The following ACTR3 variants were observed in gnomAD, a reference collection of about 807,000 sequenced individuals.
The protein encoded by ACTR3 is actin-related protein 3.
A neutral mutation model predicts 56.8 loss-of-function variants in ACTR3; 12 were observed. That is an observed-to-expected ratio of 0.21 (90% CI 0.14 to 0.34). The LOEUF (loss-of-function observed/expected upper bound fraction) is 0.34, where lower values mean the gene tolerates loss of function less well. Ranked by LOEUF, ACTR3 falls within the 10% of genes least tolerant of loss-of-function variation. The pLI is 1.00. For synonymous variants in ACTR3, 162 were observed against 167.4 expected (o/e 0.97, Z 0.25); for missense variants, 282 against 512.5 (o/e 0.55, Z 4.34).
intron 1 of ACTR3, among the ~76,000 whole-genome samples, chr2:113,891,521 T>G (rs748003407): frequency 5.9e-5 from 9 of 151,976 alleles, no homozygotes; most frequent in Non-Finnish European, 1.0e-4. Flanking sequence ...GGAAAGTGGT[T>G]TTTTTTTCTG....
At chr2:113,944,887 T>C (rs980498487) in intron 8 of ACTR3, among the ~76,000 whole-genome samples, 2 of 152,192 alleles carry the variant, frequency 1.3e-5, no homozygotes, top group Admixed American at 1.3e-4. Context: ...GGTAGCAGGT[T>C]AGATACCCAA....
At chr2:113,924,840 C>T (rs80047318) in intron 3 of ACTR3, among the ~76,000 whole-genome samples, 4,837 of 152,100 alleles carry the variant, frequency 0.032, 263 homozygotes, top group African/African-American at 0.11. Flanking sequence ...ACCTCCTCAG[C>T]GAAACCTTTT....
chr2:113,938,889 T>C (rs1048396113), intron 6 of ACTR3, among the ~76,000 whole-genome samples: 1 of 152,334 alleles, frequency 6.6e-6, no homozygotes, highest in Admixed American at 6.5e-5. Context: ...TTGAGTTCTC[T>C]TTCCTATTGT....
At chr2:113,943,827 CA>C (rs1490265375) in intron 8 of ACTR3, among the ~76,000 whole-genome samples, 2 of 152,256 alleles carry the variant, frequency 1.3e-5, no homozygotes, top group South Asian at 4.1e-4. Context: ...GGTTCAAAAA[CA>C]AACACTTGGG....
At chr2:113,932,645 C>T (rs555146199) in intron 5 of ACTR3, among the ~76,000 whole-genome samples, 6 of 152,068 alleles carry the variant, frequency 3.9e-5, no homozygotes, top group African/African-American at 9.6e-5. Context: ...AGTTTGGGAC[C>T]GTAACTGTTT....
intron 2 of ACTR3, among the ~76,000 whole-genome samples, chr2:113,914,112 A>AT (rs34193845): frequency 1 from 151,983 of 152,320 alleles, 75,823 homozygotes; most frequent in Middle Eastern, 1. Flanking sequence ...ATTGTTATTC[A>AT]TTATGAAAAT....
At chr2:113,897,311 A>G (rs1358466862) in intron 1 of ACTR3, among the ~76,000 whole-genome samples, 1 of 152,164 alleles carries the variant, frequency 6.6e-6, no homozygotes, top group Admixed American at 6.5e-5. Context: ...TCAGGAAACA[A>G]CGTAACCTAC....
chr2:113,909,876 A>G (rs922541829), intron 1 of ACTR3, among the ~76,000 whole-genome samples: 7 of 152,156 alleles, frequency 4.6e-5, no homozygotes, highest in African/African-American at 2.4e-5. Flanking sequence ...ACAATGAACA[A>G]TTTTACAGAA....
chr2:113,957,334 T>G, intron 11 of ACTR3, 26 bp from the exon 12 acceptor site: 1 of 1,565,242 alleles, frequency 6.4e-7, no homozygotes, highest in South Asian at 1.1e-5. Flanking sequence ...TTGACCCTTA[T>G]AAAAATACAT....
intron 1 of ACTR3, among the ~76,000 whole-genome samples, chr2:113,903,550 T>C (rs1369174818): frequency 6.6e-6 from 1 of 151,642 alleles, no homozygotes; most frequent in African/African-American, 2.4e-5. Context: ...TTTTTTTTTT[T>C]TTTTGAGACG....
intron 6 of ACTR3, among the ~76,000 whole-genome samples, chr2:113,935,725 T>C (rs1351833787): frequency 6.6e-6 from 1 of 152,196 alleles, no homozygotes; most frequent in Non-Finnish European, 1.5e-5. Flanking sequence ...CTTAAAATTA[T>C]TGTTTAAATC....
intron 2 of ACTR3, among the ~76,000 whole-genome samples, chr2:113,915,416 TA>T (rs1198769489): frequency 1.3e-5 from 2 of 152,238 alleles, no homozygotes; most frequent in Non-Finnish European, 2.9e-5. Context: ...CATATTGTAT[TA>T]GGGGCCACCT....
chr2:113,927,512 A>G, intron 4 of ACTR3, 57 bp downstream of exon 4: 1 of 1,075,080 alleles, frequency 9.3e-7, no homozygotes, highest in East Asian at 2.4e-5. Context: ...TAATGAGAAC[A>G]TTTTCATCAT....
At chr2:113,909,199 C>T (rs1256675200) in intron 1 of ACTR3, among the ~76,000 whole-genome samples, 1 of 152,010 alleles carries the variant, frequency 6.6e-6, no homozygotes, top group Non-Finnish European at 1.5e-5. Flanking sequence ...TATGGTATAT[C>T]CATACAATTG....
chr2:113,923,274 T>C (rs1679544358), intron 3 of ACTR3, among the ~76,000 whole-genome samples: 1 of 152,232 alleles, frequency 6.6e-6, no homozygotes, highest in Admixed American at 6.5e-5. Flanking sequence ...GATTTGTCTT[T>C]CTTTTGCAGG....
At chr2:113,895,059 T>TCCCCCCCCCCCCCCCCC (rs61667793) in intron 1 of ACTR3, among the ~76,000 whole-genome samples, 9 of 111,366 alleles carry the variant, frequency 8.1e-5, no homozygotes, top group East Asian at 2.9e-4. Context: ...TGGTTTAGGT[T>TCCCCCCCCCCCCCCCCC]CCCCCCCCCC....
chr2:113,928,700 TA>T (rs919950202), intron 4 of ACTR3, among the ~76,000 whole-genome samples: 5 of 3,576 alleles, frequency 1.4e-3, no homozygotes, highest in Non-Finnish European at 2.1e-3. Flanking sequence ...TGTGTTCCAA[TA>T]AATTTTTTTT....
chr2:113,911,599 A>G (rs1021678001), intron 1 of ACTR3, among the ~76,000 whole-genome samples: 6 of 151,620 alleles, frequency 4.0e-5, no homozygotes, highest in Non-Finnish European at 8.8e-5. Context: ...TTTGTATTTT[A>G]ATAGAGATGG....
chr2:113,916,479 A>G lies in ACTR3; in HGVS notation c.101-405A>G, dbSNP rs574250855. 5.3e-5 allele frequency among the ~76,000 whole-genome samples: 8 copies of G among 152,342 alleles called. No individual in the cohort carries two copies. In the South Asian group the frequency reaches 1.7e-3, roughly 32 times the overall value. ...GTAGTGATAGGGTAGAGATGTAAAGAAAGTTTAAAAAATTATTCTTGAAGT... is the reference window on the plus strand; with the variant it reads ...GTAGTGATAGGGTAGAGATGTAAAGGAAGTTTAAAAAATTATTCTTGAAGT... On this transcript the variant is annotated intron_variant, in intron 2 of 11. Coordinates refer to ENST00000263238, the MANE Select transcript of ACTR3 (RefSeq NM_005721.5).
Sources: allele counts gnomAD v4.1 joint callset (sites outside exome capture counted in the v4.1 genomes callset), GRCh38; gene constraint gnomAD v4.1.1; transcripts MANE v1.5; gene names NCBI Gene and HGNC (gene_info 2026-07-23, HGNC 2026-07-21).